PTPRD: variants seen among roughly 807,000 people sequenced by gnomAD.
PTPRD encodes the protein receptor-type tyrosine-protein phosphatase delta.
In PTPRD, 34 loss-of-function variants were observed where a neutral mutation model predicts 214.5. That is an observed-to-expected ratio of 0.16 (90% CI 0.12 to 0.21). PTPRD has a LOEUF of 0.21. PTPRD is among the 10% of genes least tolerant of loss of function. The pLI, the probability that PTPRD is intolerant of heterozygous loss-of-function variation, is 1.00. For synonymous variants in PTPRD, 1,128 were observed against 845.7 expected, an observed-to-expected ratio of 1.33 and a Z score of -5.79; for missense variants, 2,545 against 2,398.7, an observed-to-expected ratio of 1.06 and a Z score of -1.27.
At chr9:9,710,041 T>C (rs2097696494) in intron 7 of PTPRD, among the ~76,000 whole-genome samples, 2 of 152,002 alleles carry the variant, frequency 1.3e-5, no homozygotes, top group Non-Finnish European at 2.9e-5. Flanking sequence ...GCAGATTTTG[T>C]TTCTTTAAAA....
chr9:9,853,202 T>C (rs1405519158), intron 5 of PTPRD, among the ~76,000 whole-genome samples: 1 of 152,224 alleles, frequency 6.6e-6, no homozygotes, highest in Non-Finnish European at 1.5e-5. Context: ...CAGGCTTTAT[T>C]GCAAGTACTC....
chr9:10,384,196 C>G (rs1174867067), intron 2 of PTPRD, among the ~76,000 whole-genome samples: 1 of 151,430 alleles, frequency 6.6e-6, no homozygotes, highest in Non-Finnish European at 1.5e-5. Context: ...GTTTGTAACA[C>G]AAAGGATAAA....
intron 11 of PTPRD, among the ~76,000 whole-genome samples, chr9:8,760,598 CTG>C (rs34488235): frequency 0.034 from 4,935 of 143,966 alleles, 67 homozygotes; most frequent in Admixed American, 0.048. Flanking sequence ...CTCTCTCTGT[CTG>C]TGTGTGTGTG....
intron 11 of PTPRD, among the ~76,000 whole-genome samples, chr9:8,785,914 C>A (rs1441128575): frequency 6.6e-6 from 1 of 152,134 alleles, no homozygotes; most frequent in Non-Finnish European, 1.5e-5. Context: ...AGTAAGGAAA[C>A]AAAAGCAAAA....
intron 39 of PTPRD, among the ~76,000 whole-genome samples, chr9:8,365,019 A>G (rs1198308936): frequency 2.6e-5 from 4 of 152,306 alleles, no homozygotes; most frequent in East Asian, 1.9e-4. Flanking sequence ...TTTAAGGACC[A>G]TACTGCAGTG....
intron 8 of PTPRD, among the ~76,000 whole-genome samples, chr9:9,503,215 T>C (rs2096475031): frequency 6.6e-6 from 1 of 151,822 alleles, no homozygotes; most frequent in Admixed American, 6.6e-5. Context: ...ATTTTAGTTA[T>C]AGCTCAGTAA....
intron 40 of PTPRD, 66 bp downstream of exon 40, chr9:8,341,627 C>A (rs984126437): frequency 6.4e-7 from 1 of 1,557,846 alleles, no homozygotes. Context: ...TAAAGTAAAG[C>A]CACGACTCAA....
intron 7 of PTPRD, among the ~76,000 whole-genome samples, chr9:9,722,080 A>C (rs1468381044): frequency 6.6e-6 from 1 of 151,918 alleles, no homozygotes; most frequent in African/African-American, 2.4e-5. Context: ...GAATCACTTT[A>C]TTAAGATATA....
intron 2 of PTPRD, among the ~76,000 whole-genome samples, chr9:10,429,290 G>A (rs899691699): frequency 1.3e-5 from 2 of 151,854 alleles, no homozygotes; most frequent in African/African-American, 4.8e-5. Context: ...TCGCAAAGAA[G>A]TAAAAATAGA....
intron 11 of PTPRD, among the ~76,000 whole-genome samples, chr9:8,818,940 G>A (rs1042876831): frequency 1.3e-5 from 2 of 152,244 alleles, no homozygotes; most frequent in East Asian, 3.9e-4. Flanking sequence ...AGAGAATCTG[G>A]TAACTAACCA....
chr9:10,402,872 G>A (rs1200024327), intron 2 of PTPRD, among the ~76,000 whole-genome samples: 1 of 151,510 alleles, frequency 6.6e-6, no homozygotes, highest in African/African-American at 2.4e-5. Flanking sequence ...GAAGCCTAAG[G>A]AGTAGTAGGC....
chr9:8,768,980 G>A (rs1243551081), intron 11 of PTPRD, among the ~76,000 whole-genome samples: 5 of 152,128 alleles, frequency 3.3e-5, no homozygotes, highest in Non-Finnish European at 1.5e-5. Context: ...GTGTTTCAAG[G>A]GTGTTTGTGT....
At chr9:9,830,865 CTTAA>C (rs1304519583) in intron 5 of PTPRD, among the ~76,000 whole-genome samples, 1 of 151,810 alleles carries the variant, frequency 6.6e-6, no homozygotes, top group Non-Finnish European at 1.5e-5. Flanking sequence ...TCCTTTTCTA[CTTAA>C]TTATTTTTTT....
chr9:9,594,298 T>C (rs2093059819), intron 7 of PTPRD, among the ~76,000 whole-genome samples: 1 of 152,072 alleles, frequency 6.6e-6, no homozygotes, highest in African/African-American at 2.4e-5. Flanking sequence ...CTATTTATCT[T>C]TGTTCTTATG....
At chr9:9,078,826 T>C (rs2099754883) in intron 10 of PTPRD, among the ~76,000 whole-genome samples, 2 of 152,116 alleles carry the variant, frequency 1.3e-5, no homozygotes. Context: ...TGGGACTTTA[T>C]TTATTTGTAA....
intron 5 of PTPRD, among the ~76,000 whole-genome samples, chr9:9,853,890 A>C (rs541637584): frequency 2.0e-5 from 3 of 152,202 alleles, no homozygotes; most frequent in Non-Finnish European, 4.4e-5. Flanking sequence ...ATAATTGTAC[A>C]TATTTAATGG....
intron 11 of PTPRD, among the ~76,000 whole-genome samples, chr9:8,832,408 A>ATTTTTTTT (rs1555402610): frequency 1.6e-5 from 1 of 62,932 alleles, no homozygotes; most frequent in Non-Finnish European, 3.1e-5. Context: ...AGCTAAAATC[A>ATTTTTTTT]TCTTTTTTTT....
chr9:8,553,814 T>C lies in PTPRD; in HGVS notation c.353-25035A>G, dbSNP rs541998410. On this transcript the variant is annotated intron_variant, in intron 14 of 45. Coordinates refer to ENST00000381196, the MANE Select transcript of PTPRD (RefSeq NM_002839.4). ...CCTTGTTGTTTGCCTGTAAATTCTATCCTAACTTAAGGAGATGGAGCACCT... is the reference window on the plus strand; with the variant it reads ...CCTTGTTGTTTGCCTGTAAATTCTACCCTAACTTAAGGAGATGGAGCACCT... Among the ~76,000 whole-genome samples the C allele has an allele frequency of 1.5e-3, 227 of 152,210 alleles. 2 individuals carry two copies. In the South Asian group the frequency reaches 0.027, roughly 18 times the overall value.
intron 10 of PTPRD, among the ~76,000 whole-genome samples, chr9:9,023,188 C>G (rs1286937052): frequency 6.6e-6 from 1 of 152,102 alleles, no homozygotes; most frequent in Non-Finnish European, 1.5e-5. Flanking sequence ...AACACCATCA[C>G]AACAGTAAGT....
Sources: gnomAD v4.1 joint callset for allele counts (sites outside exome capture counted in the v4.1 genomes callset) on GRCh38, gnomAD v4.1.1 for gene constraint, MANE v1.5 for transcripts, NCBI Gene and HGNC (gene_info 2026-07-23, HGNC 2026-07-21) for gene names.